The following RHOT1 variants were observed in gnomAD, a reference collection of about 807,000 sequenced individuals.
The protein encoded by RHOT1 is mitochondrial Rho GTPase 1.
RHOT1 carries 27 observed loss-of-function variants against 95.3 expected under a neutral mutation model. The ratio of observed to expected loss-of-function variants is 0.28; its 90% confidence interval spans 0.21 to 0.39. The LOEUF is 0.39. Ranked by LOEUF, RHOT1 falls within the 10% of genes least tolerant of loss-of-function variation. RHOT1 has a pLI of 1.00. For synonymous variants in RHOT1, 227 were observed against 263.5 expected (o/e 0.86, Z 1.34); for missense variants, 578 against 786.7 (o/e 0.73, Z 3.17).
intron 11 of RHOT1, among the ~76,000 whole-genome samples, chr17:32,197,620 G>A (rs1469143014): frequency 6.6e-6 from 1 of 151,958 alleles, no homozygotes; most frequent in Non-Finnish European, 1.5e-5. Flanking sequence ...AGTAGAGACG[G>A]GGTTTCACCG....
At chr17:32,206,275 G>A (rs895356607) in intron 16 of RHOT1, among the ~76,000 whole-genome samples, 1 of 134,808 alleles carries the variant, frequency 7.4e-6, no homozygotes, top group Non-Finnish European at 1.5e-5. Flanking sequence ...GCGTGATCTC[G>A]GCTCACTGTA....
At chr17:32,149,615 ATATATATATATATATATATATGTG>A (rs2031941636) in intron 1 of RHOT1, among the ~76,000 whole-genome samples, 2 of 84,124 alleles carry the variant, frequency 2.4e-5, no homozygotes, top group Non-Finnish European at 2.2e-5. Context: ...ATATATATAT[ATATATATATATATATATATATGTG>A]TGTGTGTGTG....
intron 19 of RHOT1, among the ~76,000 whole-genome samples, chr17:32,218,452 A>G (rs1228985085): frequency 6.7e-6 from 1 of 150,228 alleles, no homozygotes; most frequent in Non-Finnish European, 1.5e-5. Flanking sequence ...AGCTGTAGTG[A>G]GCTGTGTTTG....
intron 19 of RHOT1, among the ~76,000 whole-genome samples, chr17:32,217,625 C>T (rs1423412462): frequency 6.0e-5 from 9 of 150,910 alleles, no homozygotes; most frequent in East Asian, 2.0e-4. Context: ...CGTGGTGGTG[C>T]GCACCTGTAG....
At chr17:32,160,475 A>T (rs2033431475) in intron 1 of RHOT1, 1 of 152,310 alleles carries the variant, frequency 6.6e-6, no homozygotes, top group South Asian at 2.1e-4. Context: ...CAGGGTTGAA[A>T]CATGCCCCTT....
Position 32,176,022 on chromosome 17 carries a change from G to A in RHOT1, c.276+7G>A. On this transcript the variant is annotated splice_region_variant and intron_variant, in intron 5 of 19. Coordinates refer to ENST00000545287, the MANE Select transcript of RHOT1 (RefSeq NM_001033566.3). ...CAAGCATTCTATTGATAAGGTAGGT[G>A]TGATCTTTTTTTCCCTATAGTTGGT... 6.2e-7 allele frequency: 1 copy of A among 1,605,396 alleles called. No homozygotes were observed.
chr17:32,149,631 ATATATGTGTGTG>A (rs1381004985), intron 1 of RHOT1, among the ~76,000 whole-genome samples: 3 of 88,186 alleles, frequency 3.4e-5, no homozygotes, highest in South Asian at 4.4e-4. Context: ...ATATATATAT[ATATATGTGTGTG>A]TGTGTGTGTG....
intron 6 of RHOT1, 140 bp from the exon 7 acceptor site, chr17:32,182,617 C>T: frequency 1.7e-6 from 1 of 584,058 alleles, no homozygotes. Flanking sequence ...CTAGGGGGCT[C>T]AACCTGACTG....
At chr17:32,222,188 A>G (rs1165584392) in intron 19 of RHOT1, among the ~76,000 whole-genome samples, 1 of 152,218 alleles carries the variant, frequency 6.6e-6, no homozygotes, top group Non-Finnish European at 1.5e-5. Flanking sequence ...ACCTTTACCT[A>G]CGCTCTGACT....
At chr17:32,195,618 T>C (rs144569173) in intron 11 of RHOT1, among the ~76,000 whole-genome samples, 3 of 152,322 alleles carry the variant, frequency 2.0e-5, no homozygotes, top group East Asian at 3.9e-4. Context: ...ATTACCTTCA[T>C]AGTGCTCTTT....
chr17:32,225,631 AAAAT>A lies in RHOT1; in HGVS notation c.*903_*906del, dbSNP rs1314229501. On this transcript the variant is annotated 3_prime_UTR_variant, in exon 20 of 20. Coordinates refer to ENST00000545287, the MANE Select transcript of RHOT1 (RefSeq NM_001033566.3). ...TAGAGGCAGTAATTTTTTAAATGAT[AAAAT>A]AAATCTAATGAATATAAACTCTCAT... The A allele has an allele frequency of 6.6e-6, 1 of 152,278 alleles. No homozygotes were observed. Among genetic ancestry groups the A allele is most frequent in the African/African-American group, 2.4e-5 (1 of 41,450 alleles). The allele number at this position is 152,278 out of a possible 1,614,324, so 9.4% of individuals were successfully genotyped here.
intron 1 of RHOT1, among the ~76,000 whole-genome samples, chr17:32,166,835 A>G (rs2034128305): frequency 6.6e-6 from 1 of 152,140 alleles, no homozygotes; most frequent in Admixed American, 6.6e-5. Flanking sequence ...GAATCCCTCA[A>G]AGTCATGTGA....
intron 14 of RHOT1, among the ~76,000 whole-genome samples, chr17:32,202,238 G>T (rs1011070385): frequency 6.6e-6 from 1 of 152,148 alleles, no homozygotes; most frequent in Non-Finnish European, 1.5e-5. Context: ...CTCAGGAAGG[G>T]ATGCTTGCTG....
chr17:32,190,925 A>G (rs2142750767), intron 8 of RHOT1, among the ~76,000 whole-genome samples: 1 of 152,114 alleles, frequency 6.6e-6, no homozygotes, highest in Admixed American at 6.5e-5. Flanking sequence ...CCTCCCAAGT[A>G]CTGGGACTAC....
intron 6 of RHOT1, among the ~76,000 whole-genome samples, chr17:32,176,654 C>G (rs2035033111): frequency 6.6e-6 from 1 of 151,822 alleles, no homozygotes; most frequent in African/African-American, 2.4e-5. Flanking sequence ...CTCCTTGCAG[C>G]CTCCGCCTCC....
At chr17:32,149,444 T>C in intron 1 of RHOT1, among the ~76,000 whole-genome samples, 1 of 150,494 alleles carries the variant, frequency 6.6e-6, no homozygotes. Flanking sequence ...GATACCTTTT[T>C]GATTGTAAGC....
chr17:32,175,688 T>A (rs188515177), intron 4 of RHOT1, among the ~76,000 whole-genome samples: 7 of 152,332 alleles, frequency 4.6e-5, no homozygotes, highest in Admixed American at 2.0e-4. Context: ...ACTCCTGCCC[T>A]CAAGTGATAC....
chr17:32,203,036 A>C, intron 15 of RHOT1, 136 bp downstream of exon 15: 2 of 783,112 alleles, frequency 2.6e-6, no homozygotes. Context: ...TACAGTCTAA[A>C]TGTAACAGTA....
At chr17:32,150,848 TGTAGAAATCTGAAACCACG>T (rs1293730996) in intron 1 of RHOT1, 2 of 1,522,730 alleles carry the variant, frequency 1.3e-6, no homozygotes, top group Admixed American at 3.7e-5. Context: ...GGAAGGGAGC[TGTAGAAATCTGAAACCACG>T]GGAGAAAAAG....
Sources: gnomAD v4.1 joint callset for allele counts (sites outside exome capture counted in the v4.1 genomes callset) on GRCh38, gnomAD v4.1.1 for gene constraint, MANE v1.5 for transcripts, NCBI Gene and HGNC (gene_info 2026-07-23, HGNC 2026-07-21) for gene names.